Variants in TAX1BP3 observed in about 807,000 individuals in gnomAD.
TAX1BP3 encodes tax1-binding protein 3.
A neutral mutation model predicts 15.3 loss-of-function variants in TAX1BP3; 13 were observed. That is an observed-to-expected ratio of 0.85 (90% CI 0.55 to 1.35). The LOEUF is 1.35. TAX1BP3 is among the 40% of genes most tolerant of loss of function. TAX1BP3 has a pLI of 0.00. For synonymous variants in TAX1BP3, 70 were observed against 66.0 expected, an observed-to-expected ratio of 1.06 and a Z score of -0.30; for missense variants, 147 against 169.6, an observed-to-expected ratio of 0.87 and a Z score of 0.74.
rs564312549 is a variant in TAX1BP3 at position 3,667,142 on chromosome 17, A to C, written c.39+1346T>G. Among the ~76,000 whole-genome samples, 5 of 152,098 alleles carry C rather than the reference A, an allele frequency of 3.3e-5. No homozygotes were observed. In the East Asian group the frequency reaches 9.7e-4, roughly 29 times the overall value. ...GTGGATCACCAGAGGTCAGGAGTTC[A>C]AGACAAGCCTGGCCAACATGGTGAA... On this transcript the variant is annotated intron_variant, in intron 1 of 3. Coordinates refer to ENST00000225525, the MANE Select transcript of TAX1BP3 (RefSeq NM_014604.4).
At position 3,663,555 on chromosome 17, in the gene TAX1BP3, G is replaced by A. The variant is rs1005559733; in HGVS notation, c.*193C>T. The A allele has an allele frequency of 2.8e-5, 21 of 757,820 alleles. No homozygotes were observed. In the African/African-American group the frequency reaches 3.5e-4, roughly 13 times the overall value. The allele number at this position is 757,820 out of a possible 1,614,324, so 46.9% of individuals were successfully genotyped here. On this transcript the variant is annotated 3_prime_UTR_variant, in exon 4 of 4. Coordinates refer to ENST00000225525, the MANE Select transcript of TAX1BP3 (RefSeq NM_014604.4). The stretch of plus-strand genomic sequence containing the variant: ...TATTTCCAATCCTCGGTGTCCAGGA[G>A]AGAAAGCCGGTCCCAGAGGCCCCAG...
rs749730290 is a variant in TAX1BP3 at position 3,663,765 on chromosome 17, G to A, written c.358C>T (p.Gln120Ter). The A allele has an allele frequency of 1.2e-6, 2 of 1,604,724 alleles. No individual in the cohort carries two copies. ...TRQSLQKAVQQSMLS is the reference protein window; with the variant it reads ...TRQSLQKAVQ ...GGTGGCTGCTAGGACAGCATGGACT[G>A]CTGCACGGCCTTCTGCAGCGACTGC... The change falls in exon 4 of 4, where the codon CAG becomes TAG. Residue 120 changes from glutamine to a stop codon, truncating the protein, a stop_gained. Transcript: ENST00000225525. LOFTEE classifies it high-confidence loss of function.
rs900102852 is a variant in TAX1BP3, at chr17:3,668,027, G to A, written c.39+461C>T. Reference sequence around the variant, plus strand: ...AAGGCTGGACAGGAAGGGGGCAGGGGCTGCCACGGCAGGCTCGGGAGAGCC... The same window carrying A: ...AAGGCTGGACAGGAAGGGGGCAGGGACTGCCACGGCAGGCTCGGGAGAGCC... On this transcript the variant is annotated intron_variant, in intron 1 of 3. Coordinates refer to ENST00000225525, the MANE Select transcript of TAX1BP3 (RefSeq NM_014604.4). This position sits in a 1 kb window ranked among gnomAD's most constrained non-coding sequence, Gnocchi z 4.1. Among the ~76,000 whole-genome samples, 2 of 152,274 alleles carry A rather than the reference G, an allele frequency of 1.3e-5. No individual in the cohort carries two copies. The highest frequency in any genetic ancestry group is 4.8e-5 in the African/African-American group (2 of 41,472).
intron 3 of TAX1BP3, 146 bp from the exon 4 acceptor site, chr17:3,664,031 A>G (rs1597673836): frequency 1.4e-6 from 2 of 1,446,958 alleles, no homozygotes; most frequent in Non-Finnish European, 1.9e-6. Flanking sequence ...TGGCTGAGAC[A>G]CACAGGAGAG....
rs2076365289 is a variant in TAX1BP3, at chr17:3,668,418, G to A, written c.39+70C>T. ...TTCGATGCTCTGTCAACCTGCTTGG[G>A]GTGTCCGTTTCCCGCTCTGCGAGGT... On this transcript the variant is annotated intron_variant, in intron 1 of 3. Transcript: ENST00000225525. This position sits in a 1 kb window ranked among gnomAD's most constrained non-coding sequence, Gnocchi z 4.1. The A allele has an allele frequency of 1.3e-6, 2 of 1,575,120 alleles. No individual in the cohort carries two copies. The highest frequency in any genetic ancestry group is 1.8e-5 in the Admixed American group (1 of 56,638).
intron 1 of TAX1BP3, chr17:3,665,421 C>T: frequency 6.8e-7 from 1 of 1,465,754 alleles, no homozygotes; most frequent in Non-Finnish European, 9.4e-7. Flanking sequence ...CTACAATGTT[C>T]CCCAGCATGC....
At position 3,664,662 on chromosome 17, in the gene TAX1BP3, A is replaced by T. The variant is rs1046791785; in HGVS notation, c.159+17T>A. The T allele has an allele frequency of 6.2e-7, 1 of 1,613,298 alleles. No homozygotes were observed. Among genetic ancestry groups the T allele is most frequent in the African/African-American group, 1.3e-5 (1 of 74,834 alleles). ...CTGTGCCCCATGGAGCGGTCCCAGG[A>T]CCCCAGACCCCCTCACCTTGTCCGT... is the stretch of plus-strand genomic sequence containing the variant. On this transcript the variant is annotated intron_variant, in intron 2 of 3. Transcript: ENST00000225525.
intron 1 of TAX1BP3, chr17:3,665,254 G>T (rs2076326780): frequency 2.9e-6 from 4 of 1,373,630 alleles, no homozygotes; most frequent in Non-Finnish European, 4.1e-6. Context: ...AGAGGCACCG[G>T]ATATATGTTC....
chr17:3,668,412 G>A lies in TAX1BP3; in HGVS notation c.39+76C>T. 1 of 1,568,182 alleles carries A rather than the reference G, an allele frequency of 6.4e-7. No homozygotes were observed. The highest frequency in any genetic ancestry group is 8.7e-7 in the Non-Finnish European group (1 of 1,153,260). On this transcript the variant is annotated intron_variant, in intron 1 of 3. Transcript: ENST00000225525. The surrounding 1 kb of genome is among the most constrained non-coding windows in gnomAD (Gnocchi z 4.1). ...CCCGGGTTCGATGCTCTGTCAACCTGCTTGGGGTGTCCGTTTCCCGCTCTG... is the reference window on the plus strand; with the variant it reads ...CCCGGGTTCGATGCTCTGTCAACCTACTTGGGGTGTCCGTTTCCCGCTCTG...
At chr17:3,665,105 TG>T in intron 1 of TAX1BP3, 1 of 710,614 alleles carries the variant, frequency 1.4e-6, no homozygotes, top group Non-Finnish European at 2.5e-6. Flanking sequence ...CTTCTGTAGG[TG>T]GGAAGCCCGT....
In TAX1BP3 at chr17:3,664,934, C is replaced by CT. The variant is rs967056915; in HGVS notation, c.40-137dup. ...TGCAGGAATCCAGCTGCTCACCAGC[C>CT]TGGGAGGCTGAGGAGCTGGCACTCA... is the stretch of plus-strand genomic sequence containing the variant. On this transcript the variant is annotated intron_variant, in intron 1 of 3. Coordinates refer to ENST00000225525, the MANE Select transcript of TAX1BP3 (RefSeq NM_014604.4). 32 of 1,324,810 alleles carry CT rather than the reference C, an allele frequency of 2.4e-5. No homozygotes were observed. The African/African-American group carries it at 4.1e-4, about 17-fold the overall frequency. 82.1% of individuals were successfully genotyped at this position (1,324,810 alleles called of 1,614,324 possible).
At chr17:3,665,225 G>C in intron 1 of TAX1BP3, 1 of 1,334,090 alleles carries the variant, frequency 7.5e-7, no homozygotes, top group Non-Finnish European at 1.1e-6. Context: ...CCAAAATGAC[G>C]AACACAAAGG....
At chr17:3,664,070 G>C (rs764564068) in intron 3 of TAX1BP3, 125 bp downstream of exon 3, 2 of 1,456,296 alleles carry the variant, frequency 1.4e-6, no homozygotes, top group Non-Finnish European at 1.9e-6. Context: ...GGCAATGCCA[G>C]TATGGGTTCC....
At chr17:3,667,014 C>G (rs1049117117) in intron 1 of TAX1BP3, among the ~76,000 whole-genome samples, 30 of 152,148 alleles carry the variant, frequency 2.0e-4, no homozygotes, top group African/African-American at 7.2e-4. Flanking sequence ...AAGAGCAAAC[C>G]TGGTGCCTTC....
intron 1 of TAX1BP3, among the ~76,000 whole-genome samples, chr17:3,666,483 T>C (rs2915545): frequency 0.99 from 150,469 of 152,296 alleles, 74,354 homozygotes; most frequent in Non-Finnish European, 1. Flanking sequence ...ACACACATTA[T>C]TCAGATGGGG....
rs917238121 is a variant in TAX1BP3, at chr17:3,668,126, G to T, written c.39+362C>A. On this transcript the variant is annotated intron_variant, in intron 1 of 3. Coordinates refer to ENST00000225525, the MANE Select transcript of TAX1BP3 (RefSeq NM_014604.4). This position sits in a 1 kb window ranked among gnomAD's most constrained non-coding sequence, Gnocchi z 4.1. ...AGCATTTCCTCATTCCAGAGGCTGC[G>T]ACTCATGGACGTCGGGATCGGCGCC... Among the ~76,000 whole-genome samples the T allele has an allele frequency of 6.6e-6, 1 of 152,250 alleles. No individual in the cohort carries two copies. The highest frequency in any genetic ancestry group is 1.5e-5 in the Non-Finnish European group (1 of 68,036).
rs1263609262 is a variant in TAX1BP3 at position 3,668,536 on chromosome 17, G to A, written c.-10C>T. ...CCGGGATGTAGGACATCTCGACCCT[G>A]CTCTGGTCGCCCAGCGCCGCTCCGA... On this transcript the variant is annotated 5_prime_UTR_variant, in exon 1 of 4. Coordinates refer to ENST00000225525, the MANE Select transcript of TAX1BP3 (RefSeq NM_014604.4). The surrounding 1 kb of genome is among the most constrained non-coding windows in gnomAD (Gnocchi z 4.1). 3 of 1,602,976 alleles carry A rather than the reference G, an allele frequency of 1.9e-6. No homozygotes were observed. Among genetic ancestry groups the A allele is most frequent in the African/African-American group, 1.3e-5 (1 of 74,376 alleles).
Position 3,664,787 on chromosome 17 carries a change from T to A in TAX1BP3, c.51A>T (p.Glu17Asp). The A allele has an allele frequency of 6.2e-7, 1 of 1,613,374 alleles. No homozygotes were observed. Among genetic ancestry groups the A allele is most frequent in the Non-Finnish European group, 8.5e-7 (1 of 1,179,726 alleles). ...QPVTAVVQRVEIHKLRQGENL... is the reference protein window; with the variant it reads ...QPVTAVVQRVDIHKLRQGENL... ...TCTCACCTTGACGCAGCTTGTGAAT[T>A]TCAACTCTTTGCTGGCAAAGAAAAA... Residue 17 changes from glutamate to aspartate, a missense_variant, in exon 2 of 4, where the codon GAA becomes GAT. By Grantham distance (45) the Glu-to-Asp change is conservative. Coordinates refer to ENST00000225525, the MANE Select transcript of TAX1BP3 (RefSeq NM_014604.4).
intron 1 of TAX1BP3, among the ~76,000 whole-genome samples, chr17:3,665,985 T>C (rs554475075): frequency 6.6e-6 from 1 of 152,232 alleles, no homozygotes; most frequent in African/African-American, 2.4e-5. Flanking sequence ...TTCTGGGGCA[T>C]TCCCACCATG....
Sources: allele counts gnomAD v4.1 joint callset (sites outside exome capture counted in the v4.1 genomes callset), GRCh38; gene constraint gnomAD v4.1.1; non-coding constraint Gnocchi (gnomAD v3.1); transcripts MANE v1.5; gene names NCBI Gene and HGNC (gene_info 2026-07-23, HGNC 2026-07-21).